Variants in ANO3 observed in about 807,000 individuals in gnomAD.
ANO3 encodes anoctamin 3.
A neutral mutation model predicts 144.8 loss-of-function variants in ANO3; 99 were observed. That is an observed-to-expected ratio of 0.68 (90% CI 0.58 to 0.81). The LOEUF is 0.81. ANO3 is among the 30% of genes least tolerant of loss of function. The probability of loss-of-function intolerance (pLI) is 0.00; values close to 1 mark genes in which losing one functional copy is unlikely to be tolerated. For synonymous variants in ANO3, 414 were observed against 392.6 expected (o/e 1.05, Z -0.64); for missense variants, 905 against 1,202.2 (o/e 0.75, Z 3.66).
intron 1 of ANO3, among the ~76,000 whole-genome samples, chr11:26,418,059 T>G (rs1857643618): frequency 6.6e-6 from 1 of 152,132 alleles, no homozygotes; most frequent in Admixed American, 6.6e-5. Context: ...GAAATTAGTA[T>G]TCAATGATAA....
Position 26,512,097 on chromosome 11 carries a change from A to G in ANO3, c.591+3835A>G, listed in dbSNP as rs116900912. The stretch of plus-strand genomic sequence containing the variant: ...ACTGAAAAGAACATAGATTTGAAGA[A>G]CAAGACTGGATGCACAGAGATCATG... On this transcript the variant is annotated intron_variant, in intron 5 of 26. Coordinates refer to ENST00000256737, the MANE Select transcript of ANO3 (RefSeq NM_031418.4). Among the ~76,000 whole-genome samples, 31 of 152,340 alleles carry G rather than the reference A, an allele frequency of 2.0e-4. No individual in the cohort carries two copies. In the East Asian group the frequency reaches 5.8e-3, roughly 28 times the overall value.
At chr11:26,656,737 T>C (rs1325006329) in intron 26 of ANO3, among the ~76,000 whole-genome samples, 1 of 152,150 alleles carries the variant, frequency 6.6e-6, no homozygotes, top group Non-Finnish European at 1.5e-5. Context: ...CTGAAAACTT[T>C]TGAGCCTCCT....
chr11:26,189,278 C>A, exon 1 of ANO3: 7 of 985,338 alleles, frequency 7.1e-6, no homozygotes, highest in Non-Finnish European at 8.4e-6. Flanking sequence ...TGACTGAACT[C>A]TCTGGTGATT....
In ANO3 at chr11:26,195,168, A is replaced by G. The variant is rs11029378; in HGVS notation, c.154+5838A>G. On this transcript the variant is annotated intron_variant, in intron 1 of 27. Transcript: ENST00000672621. Reference sequence around the variant, plus strand: ...ACGAGGACCTTGGTTTCTGTTGGCTACTAGGGTGTTGATGCCTGATGATGA... The same window carrying G: ...ACGAGGACCTTGGTTTCTGTTGGCTGCTAGGGTGTTGATGCCTGATGATGA... Among the ~76,000 whole-genome samples the G allele has an allele frequency of 1.2e-3, 177 of 152,308 alleles. 2 individuals carry two copies. In the East Asian group the frequency reaches 0.026, roughly 23 times the overall value.
At chr11:26,550,662 A>G (rs1485935105) in intron 12 of ANO3, among the ~76,000 whole-genome samples, 2 of 151,982 alleles carry the variant, frequency 1.3e-5, no homozygotes, top group African/African-American at 4.8e-5. Context: ...TTCTTTCTTC[A>G]TTCATCAGTC....
chr11:26,443,674 T>C (rs2134026054), intron 2 of ANO3, 91 bp from the exon 3 acceptor site: 1 of 598,012 alleles, frequency 1.7e-6, no homozygotes, highest in East Asian at 3.0e-5. Context: ...TCATCATGTT[T>C]GGCCATCATT....
intron 1 of ANO3, among the ~76,000 whole-genome samples, chr11:26,421,632 A>C (rs2133998333): frequency 6.6e-6 from 1 of 152,190 alleles, no homozygotes; most frequent in South Asian, 2.1e-4. Context: ...TTATTCTAAC[A>C]GTTTACTTGG....
chr11:26,557,677 C>T (rs1177549182), intron 13 of ANO3, among the ~76,000 whole-genome samples: 1 of 152,100 alleles, frequency 6.6e-6, no homozygotes, highest in East Asian at 1.9e-4. Flanking sequence ...TGCTCTTGTC[C>T]TATTAGACAG....
chr11:26,309,616 T>C (rs764635394), exon 1 of ANO3: 1 of 978,952 alleles, frequency 1.0e-6, no homozygotes, highest in Non-Finnish European at 1.2e-6. Context: ...TGAGCAATTT[T>C]TATTTTTCTC....
intron 1 of ANO3, among the ~76,000 whole-genome samples, chr11:26,271,526 G>C (rs1294164450): frequency 6.6e-6 from 1 of 152,072 alleles, no homozygotes; most frequent in Non-Finnish European, 1.5e-5. Flanking sequence ...TAACTGTGAT[G>C]CTTTAGTATT....
intron 1 of ANO3, among the ~76,000 whole-genome samples, chr11:26,212,218 A>T (rs1035110401): frequency 2.6e-5 from 4 of 152,002 alleles, no homozygotes; most frequent in Middle Eastern, 3.4e-3. Flanking sequence ...AGTATATATT[A>T]AAAAAAGAAC....
At chr11:26,267,051 C>T (rs887449064) in intron 1 of ANO3, among the ~76,000 whole-genome samples, 1 of 150,482 alleles carries the variant, frequency 6.6e-6, no homozygotes, top group Non-Finnish European at 1.5e-5. Flanking sequence ...GAGATCGCGC[C>T]ACTGCACTCT....
chr11:26,192,539 C>A (rs1851498238), intron 1 of ANO3, among the ~76,000 whole-genome samples: 3 of 152,118 alleles, frequency 2.0e-5, no homozygotes, highest in East Asian at 3.9e-4. Flanking sequence ...AGTGTTTATA[C>A]CTTTCATTTA....
chr11:26,517,578 T>C (rs1414830695), intron 6 of ANO3, among the ~76,000 whole-genome samples: 1 of 152,052 alleles, frequency 6.6e-6, no homozygotes, highest in Non-Finnish European at 1.5e-5. Flanking sequence ...TATTTACTCA[T>C]ATTAAAGACA....
chr11:26,465,888 T>G (rs1859584750), intron 4 of ANO3, among the ~76,000 whole-genome samples: 1 of 152,002 alleles, frequency 6.6e-6, no homozygotes, highest in African/African-American at 2.4e-5. Context: ...TGTAAGCTAA[T>G]GTATTTATGA....
intron 4 of ANO3, chr11:26,474,182 T>C: frequency 1.2e-6 from 1 of 837,144 alleles, no homozygotes; most frequent in African/African-American, 1.8e-5. Context: ...TCTATTTTCT[T>C]AAACATATGT....
intron 1 of ANO3, among the ~76,000 whole-genome samples, chr11:26,339,114 T>G (rs563604381): frequency 6.6e-6 from 1 of 152,180 alleles, no homozygotes; most frequent in South Asian, 2.1e-4. Context: ...GTGAAAGATC[T>G]AGGGTTTGAA....
chr11:26,597,418 C>CAACG (rs1245511747), intron 14 of ANO3, among the ~76,000 whole-genome samples: 1 of 152,164 alleles, frequency 6.6e-6, no homozygotes, highest in Admixed American at 6.5e-5. Flanking sequence ...CGTGCAGGAA[C>CAACG]AACGGCAAGC....
chr11:26,539,633 G>A (rs1359836017), intron 10 of ANO3, among the ~76,000 whole-genome samples: 1 of 152,106 alleles, frequency 6.6e-6, no homozygotes, highest in Non-Finnish European at 1.5e-5. Flanking sequence ...TGGCAACCTT[G>A]AGGCACCTGT....
Sources: gnomAD v4.1 joint callset for allele counts (sites outside exome capture counted in the v4.1 genomes callset) on GRCh38, gnomAD v4.1.1 for gene constraint, MANE v1.5 for transcripts, NCBI Gene and HGNC (gene_info 2026-07-23, HGNC 2026-07-21) for gene names.